Variants in MGAT4C observed in about 807,000 individuals in gnomAD.
MGAT4C encodes the protein alpha-1,3-mannosyl-glycoprotein 4-beta-N-acetylglucosaminyltransferase C.
In MGAT4C, 19 loss-of-function variants were observed where a neutral mutation model predicts 40.1. That is an observed-to-expected ratio of 0.47 (90% CI 0.33 to 0.70). The LOEUF (loss-of-function observed/expected upper bound fraction) is 0.70, where lower values mean the gene tolerates loss of function less well. MGAT4C is among the 30% of genes least tolerant of loss of function. The probability of loss-of-function intolerance (pLI) is 0.02; values close to 1 mark genes in which losing one functional copy is unlikely to be tolerated. For missense variants in MGAT4C, 491 were observed against 563.2 expected (o/e 0.87, Z 1.30); for synonymous variants, 181 against 187.1 (o/e 0.97, Z 0.27).
intron 2 of MGAT4C, among the ~76,000 whole-genome samples, chr12:86,502,227 A>T (rs1167329505): frequency 6.6e-6 from 1 of 152,084 alleles, no homozygotes; most frequent in Non-Finnish European, 1.5e-5. Context: ...ACCTATTCAT[A>T]AGTGAGAGAA....
At chr12:86,242,033 C>A (rs1248083902) in intron 1 of MGAT4C, among the ~76,000 whole-genome samples, 1 of 152,160 alleles carries the variant, frequency 6.6e-6, no homozygotes, top group African/African-American at 2.4e-5. Flanking sequence ...ACTCTACTGG[C>A]AACCTCCATC....
At chr12:86,574,575 C>T (rs1011989729) in intron 2 of MGAT4C, among the ~76,000 whole-genome samples, 2 of 151,580 alleles carry the variant, frequency 1.3e-5, no homozygotes, top group African/African-American at 4.8e-5. Context: ...TAGTGATGTT[C>T]ATATATGGAT....
chr12:86,664,283 C>T (rs1475967013), intron 2 of MGAT4C, among the ~76,000 whole-genome samples: 1 of 151,998 alleles, frequency 6.6e-6, no homozygotes, highest in Non-Finnish European at 1.5e-5. Flanking sequence ...CTTTCTTCTT[C>T]CTTACTCTCT....
intron 1 of MGAT4C, among the ~76,000 whole-genome samples, chr12:86,735,973 A>AAG (rs1291274009): frequency 6.6e-6 from 1 of 151,816 alleles, no homozygotes; most frequent in African/African-American, 2.4e-5. Flanking sequence ...AACCACCCTG[A>AAG]AGAGATATTC....
chr12:86,390,954 T>C (rs552206230), intron 3 of MGAT4C, among the ~76,000 whole-genome samples: 1 of 152,200 alleles, frequency 6.6e-6, no homozygotes, highest in Non-Finnish European at 1.5e-5. Flanking sequence ...ATTAATCTCA[T>C]GGAAATATTT....
chr12:86,556,225 G>A (rs1959603545), intron 2 of MGAT4C, among the ~76,000 whole-genome samples: 1 of 152,124 alleles, frequency 6.6e-6, no homozygotes, highest in Admixed American at 6.5e-5. Flanking sequence ...GTAAATATAA[G>A]TAATGTATAG....
chr12:86,053,583 G>A (rs1565914311), intron 1 of MGAT4C, among the ~76,000 whole-genome samples: 1 of 151,694 alleles, frequency 6.6e-6, no homozygotes, highest in Admixed American at 6.6e-5. Context: ...ATAGACAAAT[G>A]GGATTATATC....
At chr12:86,424,947 G>A (rs898829988) in intron 3 of MGAT4C, among the ~76,000 whole-genome samples, 3 of 151,918 alleles carry the variant, frequency 2.0e-5, no homozygotes, top group Admixed American at 1.3e-4. Context: ...TAGTAGAGAC[G>A]GGGTTTCACC....
chr12:86,480,446 A>C (rs985836782), intron 2 of MGAT4C, among the ~76,000 whole-genome samples: 4 of 151,300 alleles, frequency 2.6e-5, no homozygotes, highest in African/African-American at 9.7e-5. Flanking sequence ...GTATGTATAC[A>C]TATATAGATA....
At chr12:86,543,910 G>A (rs746657751) in intron 2 of MGAT4C, among the ~76,000 whole-genome samples, 7 of 151,998 alleles carry the variant, frequency 4.6e-5, no homozygotes, top group Admixed American at 1.3e-4. Flanking sequence ...CACATACCAC[G>A]CAGCTGGCCC....
At chr12:86,574,137 C>A (rs1960472222) in intron 2 of MGAT4C, among the ~76,000 whole-genome samples, 1 of 151,040 alleles carries the variant, frequency 6.6e-6, no homozygotes, top group Non-Finnish European at 1.5e-5. Flanking sequence ...TTCTTTCTTT[C>A]TTTTCTCAGC....
At chr12:86,196,726 C>T (rs938051872) in intron 1 of MGAT4C, among the ~76,000 whole-genome samples, 6 of 152,198 alleles carry the variant, frequency 3.9e-5, no homozygotes, top group African/African-American at 1.4e-4. Context: ...CATCTCCGTT[C>T]CTGTCCTCAG....
intron 2 of MGAT4C, among the ~76,000 whole-genome samples, chr12:86,562,187 A>AAATCTTCTAAGACTGTTCTGAGTGGGAAC (rs1959897904): frequency 6.6e-6 from 1 of 152,184 alleles, no homozygotes; most frequent in Non-Finnish European, 1.5e-5. Flanking sequence ...TCTGAGCCTC[A>AAATCTTCTAAGACTGTTCTGAGTGGGAAC]AATCTTCTAA....
intron 4 of MGAT4C, among the ~76,000 whole-genome samples, chr12:86,296,797 G>A (rs935627416): frequency 1.3e-5 from 2 of 152,184 alleles, no homozygotes; most frequent in Non-Finnish European, 2.9e-5. Flanking sequence ...CCTGCAAGCT[G>A]AGGGAGCCGG....
chr12:86,468,030 C>G (rs1261223925), intron 2 of MGAT4C, among the ~76,000 whole-genome samples: 1 of 152,090 alleles, frequency 6.6e-6, no homozygotes, highest in Non-Finnish European at 1.5e-5. Context: ...CTTACACTTA[C>G]TTCTATTTTC....
chr12:86,349,479 T>C (rs1955111719), intron 3 of MGAT4C, among the ~76,000 whole-genome samples: 1 of 152,154 alleles, frequency 6.6e-6, no homozygotes, highest in Non-Finnish European at 1.5e-5. Flanking sequence ...TTCCTCACTG[T>C]AGCAATGTCA....
intron 3 of MGAT4C, among the ~76,000 whole-genome samples, chr12:86,391,930 T>A (rs1304718545): frequency 6.6e-6 from 1 of 152,212 alleles, no homozygotes; most frequent in Non-Finnish European, 1.5e-5. Flanking sequence ...AGTTCCACTC[T>A]AAGTTCTGTT....
chr12:86,648,311 A>G (rs889877906), intron 2 of MGAT4C, among the ~76,000 whole-genome samples: 2 of 151,936 alleles, frequency 1.3e-5, no homozygotes, highest in Non-Finnish European at 2.9e-5. Flanking sequence ...TAATATTTTA[A>G]TGTTATAATT....
At chr12:86,816,919 T>C (rs1328035893) in intron 1 of MGAT4C, among the ~76,000 whole-genome samples, 2 of 151,356 alleles carry the variant, frequency 1.3e-5, no homozygotes, top group Non-Finnish European at 3.0e-5. Flanking sequence ...AATAATTTGA[T>C]ATTACTTTAT....
Sources: gnomAD v4.1 joint callset for allele counts (sites outside exome capture counted in the v4.1 genomes callset) on GRCh38, gnomAD v4.1.1 for gene constraint, MANE v1.5 for transcripts, NCBI Gene and HGNC (gene_info 2026-07-23, HGNC 2026-07-21) for gene names.